Variants in HIVEP2 observed in about 807,000 individuals in gnomAD.
HIVEP2 encodes transcription factor HIVEP2.
In HIVEP2, 14 loss-of-function variants were observed where a neutral mutation model predicts 180.7. That is an observed-to-expected ratio of 0.08 (90% CI 0.05 to 0.12). HIVEP2 has a LOEUF of 0.12. Ranked by LOEUF, HIVEP2 falls within the 10% of genes least tolerant of loss-of-function variation. The pLI is 1.00. For synonymous variants in HIVEP2, 1,184 were observed against 1,136.4 expected (o/e 1.04, Z -0.84); for missense variants, 2,579 against 3,008.5 (o/e 0.86, Z 3.34).
chr6:142,797,306 AT>A (rs1367629838), intron 2 of HIVEP2, among the ~76,000 whole-genome samples: 1 of 152,176 alleles, frequency 6.6e-6, no homozygotes, highest in Non-Finnish European at 1.5e-5. Context: ...GTCACTCCAA[AT>A]TTATGTGAAA....
chr6:142,829,118 A>T (rs1454298451), intron 2 of HIVEP2, among the ~76,000 whole-genome samples: 1 of 152,094 alleles, frequency 6.6e-6, no homozygotes, highest in East Asian at 1.9e-4. Flanking sequence ...AATCTTTCAA[A>T]CTATAACCCA....
In HIVEP2 at chr6:142,773,937, C is replaced by G; in HGVS notation, c.802G>C (p.Glu268Gln). The change falls in exon 5 of 10, where the codon GAA becomes CAA. Residue 268 changes from glutamate (E) to glutamine (Q), a missense_variant. Glu to Gln is a conservative substitution (Grantham distance 29, BLOSUM62 2). Around this residue, in one of 11 missense-constraint regions of HIVEP2, gnomAD observed 142 missense variants for 135.2 expected, o/e 1.05. Transcript: ENST00000367603. ...TCACCATCTGAATGTATTTCTGCTT[C>G]TACATCAATAAAACCAGCCTCTAGG... ...LDLEAGFIDVEAEIHSDGEQS... is the reference protein window; with the variant it reads ...LDLEAGFIDVQAEIHSDGEQS... The G allele has an allele frequency of 6.2e-7, 1 of 1,614,112 alleles. No individual in the cohort carries two copies. The highest frequency in any genetic ancestry group is 8.5e-7 in the Non-Finnish European group (1 of 1,180,040).
At chr6:142,898,505 T>TA (rs1237969276) in intron 1 of HIVEP2, among the ~76,000 whole-genome samples, 1 of 151,682 alleles carries the variant, frequency 6.6e-6, no homozygotes, top group Non-Finnish European at 1.5e-5. Context: ...CTACTAAAAA[T>TA]AAAAAAATTA....
intron 1 of HIVEP2, among the ~76,000 whole-genome samples, chr6:142,878,232 G>C (rs1776494196): frequency 6.6e-6 from 1 of 152,136 alleles, no homozygotes; most frequent in South Asian, 2.1e-4. Flanking sequence ...GATGGAAACA[G>C]AGTGTACTCT....
rs1775497646 is a variant in HIVEP2, at chr6:142,770,438, G to A, written c.4301C>T (p.Thr1434Ile). ...CLPSTSDSVA[T>I]LGGSKRMLSP... ...AAGCATTCGCTTGCTACCTCCCAGG[G>A]TGGCCACGCTGTCAGAGGTGGAAGG... The change falls in exon 5 of 10, where the codon ACC becomes ATC. Residue 1434 changes from threonine (T) to isoleucine (I), a missense_variant. By Grantham distance (89) the Thr-to-Ile change is moderately conservative (BLOSUM62 -1). Transcript: ENST00000367603. This position sits in a 1 kb window ranked among gnomAD's most constrained non-coding sequence, Gnocchi z 4.7. 1 of 1,614,050 alleles carries A rather than the reference G, an allele frequency of 6.2e-7. No homozygotes were observed. Among genetic ancestry groups the A allele is most frequent in the Admixed American group, 1.7e-5 (1 of 60,008 alleles).
At chr6:142,851,586 G>A (rs1333250012) in intron 1 of HIVEP2, among the ~76,000 whole-genome samples, 1 of 152,244 alleles carries the variant, frequency 6.6e-6, no homozygotes, top group Non-Finnish European at 1.5e-5. Flanking sequence ...GGCCCCGAAA[G>A]GCTCAGGAAC....
chr6:142,804,864 C>T (rs1042683558), intron 2 of HIVEP2, among the ~76,000 whole-genome samples: 2 of 151,990 alleles, frequency 1.3e-5, no homozygotes, highest in African/African-American at 4.8e-5. Context: ...TAAAAAAAAT[C>T]CCACAGGAAA....
chr6:142,925,506 T>C (rs1232011646), intron 1 of HIVEP2, among the ~76,000 whole-genome samples: 1 of 152,204 alleles, frequency 6.6e-6, no homozygotes, highest in Non-Finnish European at 1.5e-5. Context: ...TTGTGTTATA[T>C]TTTGTCAAGG....
At chr6:142,908,854 C>CAAAAAAA (rs11443809) in intron 1 of HIVEP2, among the ~76,000 whole-genome samples, 1 of 87,880 alleles carries the variant, frequency 1.1e-5, no homozygotes, top group Non-Finnish European at 2.2e-5. Context: ...TACCACCTCT[C>CAAAAAAA]AAAAAAAAAA....
chr6:142,941,412 G>A (rs910543352), intron 1 of HIVEP2, among the ~76,000 whole-genome samples: 2 of 152,172 alleles, frequency 1.3e-5, no homozygotes, highest in African/African-American at 4.8e-5. Context: ...AGAAAGCAAT[G>A]CTTTTGATTG....
Position 142,753,551 on chromosome 6 carries a change from G to C in HIVEP2, c.6897C>G (p.Pro2299=). ...GTTTCATCAACAGCCGAGGAGAGGA[G>C]GGAGTGCTAGGTGGACCAGATGACT... The part of the protein sequence containing the change: ...ALQSSGPPST[P]SSPRLLMKQS... Residue 2299 remains proline (P), a synonymous_variant, in exon 10 of 10, where the codon CCC becomes CCG. Transcript: ENST00000367603. 6.2e-7 allele frequency: 1 copy of C among 1,614,200 alleles called. No individual in the cohort carries two copies. The highest frequency in any genetic ancestry group is 1.1e-5 in the South Asian group (1 of 91,088).
At position 142,760,205 on chromosome 6, in the gene HIVEP2, A is replaced by G. The variant is rs372250197; in HGVS notation, c.6083T>C (p.Leu2028Pro). 2 of 1,613,852 alleles carry G rather than the reference A, an allele frequency of 1.2e-6. No individual in the cohort carries two copies. Among genetic ancestry groups the G allele is most frequent in the East Asian group, 2.2e-5 (1 of 44,894 alleles). The change falls in exon 9 of 10, where the codon CTA becomes CCA. Residue 2028 changes from leucine to proline, a missense_variant. Coordinates refer to ENST00000367603, the MANE Select transcript of HIVEP2 (RefSeq NM_006734.4). ...GGGAGAGGAGCTTGGCTCTGAAGGT[A>G]GCATGCACTCCTCATCCATACAACT... ...IPSCMDEECM[L>P]PSEPSSSPRD... is the part of the protein sequence containing the mutation.
chr6:142,937,393 T>C (rs1312738650), intron 1 of HIVEP2, among the ~76,000 whole-genome samples: 1 of 152,206 alleles, frequency 6.6e-6, no homozygotes, highest in Non-Finnish European at 1.5e-5. Flanking sequence ...ACGTTTACTA[T>C]GTGCTCATTG....
In HIVEP2 at chr6:142,928,508, C is replaced by T. The variant is rs184327407; in HGVS notation, c.-641+16591G>A. Among the ~76,000 whole-genome samples, 1,279 of 152,156 alleles carry T rather than the reference C, an allele frequency of 8.4e-3. 9 individuals are homozygous for T. The highest frequency in any genetic ancestry group is 0.027 in the Middle Eastern group (8 of 292). Reference sequence around the variant, plus strand: ...TTACCATTTAATATATATTAGTTGTCCTATCCAGTCATGTACTATTTAAGG... The same window carrying T: ...TTACCATTTAATATATATTAGTTGTTCTATCCAGTCATGTACTATTTAAGG... On this transcript the variant is annotated intron_variant, in intron 1 of 9. Transcript: ENST00000367603.
At position 142,771,110 on chromosome 6, in the gene HIVEP2, T is replaced by C; in HGVS notation, c.3629A>G (p.Tyr1210Cys). Residue 1210 changes from tyrosine to cysteine, a missense_variant, in exon 5 of 10, where the codon TAT (tyrosine) becomes TGT (cysteine). By Grantham distance (194) the Tyr-to-Cys change is radical. This residue lies in a region of HIVEP2 where 523 missense variants were observed against 577.0 expected (regional missense o/e 0.91). Coordinates refer to ENST00000367603, the MANE Select transcript of HIVEP2 (RefSeq NM_006734.4). This position sits in a 1 kb window ranked among gnomAD's most constrained non-coding sequence, Gnocchi z 5.4. ...TAAATGAACCATACAAACTGTAGGA[T>C]ACTGAAACTGAAACAAGGCATTCTG... Reference protein sequence around the residue: ...PIQNALFQFQYPTVCMVHLPA... With the variant: ...PIQNALFQFQCPTVCMVHLPA... 1.2e-6 allele frequency: 2 copies of C among 1,614,220 alleles called. No individual in the cohort carries two copies. Among genetic ancestry groups the C allele is most frequent in the Middle Eastern group, 1.6e-4 (1 of 6,062 alleles).
At chr6:142,807,630 C>T (rs1282232836) in intron 2 of HIVEP2, among the ~76,000 whole-genome samples, 4 of 152,122 alleles carry the variant, frequency 2.6e-5, no homozygotes, top group African/African-American at 9.7e-5. Flanking sequence ...AGAATAATAT[C>T]TTCAGTGTGT....
Position 142,774,769 on chromosome 6 carries a change from C to G in HIVEP2, c.-31G>C, listed in dbSNP as rs1775653416. On this transcript the variant is annotated 5_prime_UTR_variant, in exon 5 of 10. Transcript: ENST00000367603. This position sits in a 1 kb window ranked among gnomAD's most constrained non-coding sequence, Gnocchi z 5.1. ...TACACAAGGTCTTAAGTGCTAGTTC[C>G]CCTGAAAGCAGTGCAGACTCATGGA... 8.1e-6 allele frequency: 13 copies of G among 1,602,620 alleles called. No individual in the cohort carries two copies. The East Asian group carries it at 2.9e-4, about 36-fold the overall frequency.
chr6:142,767,111 G>A lies in HIVEP2; in HGVS notation c.5342+1271C>T, dbSNP rs1775398228. ...ATACGCTTTTTCACTTGTGTCCTTC[G>A]TTAGTGGAGATGGGCTCCCCAAAGC... On this transcript the variant is annotated intron_variant, in intron 6 of 9. Transcript: ENST00000367603. Among the ~76,000 whole-genome samples, 5 of 152,272 alleles carry A rather than the reference G, an allele frequency of 3.3e-5. No homozygotes were observed. The South Asian group carries it at 1.0e-3, about 32-fold the overall frequency.
intron 1 of HIVEP2, among the ~76,000 whole-genome samples, chr6:142,911,064 A>G (rs1777389348): frequency 1.3e-5 from 2 of 152,006 alleles, no homozygotes; most frequent in Non-Finnish European, 2.9e-5. Flanking sequence ...TAAAAAGTTC[A>G]AGACAATAAA....
Sources: gnomAD v4.1 joint callset for allele counts (sites outside exome capture counted in the v4.1 genomes callset) on GRCh38, gnomAD v4.1.1 for gene constraint, gnomAD v4.1.1 regional missense constraint, Gnocchi (gnomAD v3.1) non-coding constraint, MANE v1.5 for transcripts, NCBI Gene and HGNC (gene_info 2026-07-23, HGNC 2026-07-21) for gene names.